Variants in MYO7A observed in about 807,000 individuals in gnomAD.
The protein encoded by MYO7A is unconventional myosin-VIIa.
In MYO7A, 210 loss-of-function variants were observed where a neutral mutation model predicts 263.8. That is an observed-to-expected ratio of 0.80 (90% CI 0.71 to 0.89). The LOEUF (loss-of-function observed/expected upper bound fraction) is 0.89. Among genes scored for constraint, MYO7A ranks in the 40% least tolerant of loss-of-function variants. The pLI, the probability that MYO7A is intolerant of heterozygous loss-of-function variation, is 0.00. For missense variants in MYO7A, 2,820 were observed against 2,968.3 expected (o/e 0.95, Z 1.16); for synonymous variants, 1,239 against 1,197.3 (o/e 1.03, Z -0.72).
intron 8 of MYO7A, among the ~76,000 whole-genome samples, chr11:77,157,657 C>CCTGGG (rs1456663169): frequency 6.6e-6 from 1 of 151,970 alleles, no homozygotes; most frequent in African/African-American, 2.4e-5. Flanking sequence ...TGTCTGGTTG[C>CCTGGG]CTGGGCTGGG....
intron 4 of MYO7A, 50 bp downstream of exon 4, chr11:77,148,000 C>CCGCCCACCT (rs1433053760): frequency 2.1e-6 from 3 of 1,450,970 alleles, no homozygotes; most frequent in African/African-American, 2.9e-5. Context: ...AGGCCCCGCC[C>CCGCCCACCT]CGCCCACCTC....
At chr11:77,151,568 C>A (rs1555057193) in intron 4 of MYO7A, among the ~76,000 whole-genome samples, 1 of 152,146 alleles carries the variant, frequency 6.6e-6, no homozygotes, top group African/African-American at 2.4e-5. Context: ...CTGGGGACCC[C>A]TAGGGACCAC....
In MYO7A at chr11:77,177,647, C is replaced by A. The variant is rs368265503; in HGVS notation, c.2282+4C>A. On this transcript the variant is annotated splice_donor_region_variant and intron_variant, in intron 19 of 48. Transcript: ENST00000409709. ...TCATCCGGGGATTCAAAGACAGGTG[C>A]GTGTTCCCACCAGCTCCTCCCCTCC... 8 of 1,603,376 alleles carry A rather than the reference C, an allele frequency of 5.0e-6. No individual in the cohort carries two copies. The highest frequency in any genetic ancestry group is 6.8e-6 in the Non-Finnish European group (8 of 1,175,036).
chr11:77,199,371 TAGAC>T (rs1179674617), intron 34 of MYO7A, among the ~76,000 whole-genome samples, 160 bp from the exon 35 acceptor site: 1 of 152,174 alleles, frequency 6.6e-6, no homozygotes, highest in Non-Finnish European at 1.5e-5. Context: ...GAGTAGGAAT[TAGAC>T]AGGCAAAGGA....
chr11:77,203,694 A>T (rs1957237075), intron 38 of MYO7A, among the ~76,000 whole-genome samples: 1 of 152,182 alleles, frequency 6.6e-6, no homozygotes, highest in South Asian at 2.1e-4. Flanking sequence ...GCCCCGAGGC[A>T]CACAGAGCAG....
intron 4 of MYO7A, 141 bp downstream of exon 4, chr11:77,148,091 C>T (rs1450430153): frequency 1.6e-5 from 12 of 771,736 alleles, no homozygotes; most frequent in Non-Finnish European, 2.3e-5. Flanking sequence ...TGCAGCTGGA[C>T]CCCGGGGCCC....
At chr11:77,141,979 G>C (rs1291251648) in intron 2 of MYO7A, among the ~76,000 whole-genome samples, 3 of 152,246 alleles carry the variant, frequency 2.0e-5, no homozygotes, top group African/African-American at 7.2e-5. Context: ...ATTAATCAGT[G>C]CTTTGCACTC....
intron 46 of MYO7A, chr11:77,212,380 T>C: frequency 2.8e-6 from 1 of 358,776 alleles, no homozygotes; most frequent in Non-Finnish European, 5.5e-6. Flanking sequence ...GGGAAGGAAA[T>C]CCAAGTAGTG....
chr11:77,211,916 C>T lies in MYO7A; in HGVS notation c.6333C>T (p.Gly2111=), dbSNP rs759118515. ...LKLIFKWPTF[G]SAFFEVKQTT... is the part of the protein sequence containing the mutation. ...TCATCTTCAAGTGGCCCACCTTTGGCTCAGCCTTCTTCGAGGTGAAGGTAC... is the reference window on the plus strand; with the variant it reads ...TCATCTTCAAGTGGCCCACCTTTGGTTCAGCCTTCTTCGAGGTGAAGGTAC... Residue 2111 remains glycine, a synonymous_variant, in exon 46 of 49, where the codon GGC becomes GGT. Coordinates refer to ENST00000409709, the MANE Select transcript of MYO7A (RefSeq NM_000260.4). 10 of 1,613,886 alleles carry T rather than the reference C, an allele frequency of 6.2e-6. No individual in the cohort carries two copies. The South Asian group carries it at 7.7e-5, about 12-fold the overall frequency.
At position 77,156,675 on chromosome 11, in the gene MYO7A, C is replaced by A. The variant is rs367687624; in HGVS notation, c.486C>A (p.Ala162=). The A allele has an allele frequency of 2.5e-6, 4 of 1,613,802 alleles. No individual in the cohort carries two copies. The highest frequency in any genetic ancestry group is 2.2e-5 in the East Asian group (1 of 44,876). ...QCCIISGESG[A]GKTESTKLIL... is the part of the protein sequence containing the mutation. ...CCCTCTGCAGTGGGGAATCTGGGGCCGGGAAGACGGAGAGCACAAAGCTGA... is the reference window on the plus strand; with the variant it reads ...CCCTCTGCAGTGGGGAATCTGGGGCAGGGAAGACGGAGAGCACAAAGCTGA... Residue 162 remains alanine, a synonymous_variant, in exon 6 of 49, where the codon GCC becomes GCA. Transcript: ENST00000409709.
chr11:77,194,661 C>A, intron 32 of MYO7A, 137 bp downstream of exon 32: 1 of 897,430 alleles, frequency 1.1e-6, no homozygotes, highest in Non-Finnish European at 1.6e-6. Context: ...CTTCATTGGA[C>A]ATCAGCTCAC....
At chr11:77,163,365 G>A (rs1181816329) in intron 14 of MYO7A, among the ~76,000 whole-genome samples, 4 of 151,986 alleles carry the variant, frequency 2.6e-5, no homozygotes, top group Non-Finnish European at 4.4e-5. Flanking sequence ...GCCATACATC[G>A]TTTAACGTCA....
At chr11:77,168,772 G>A (rs567969846) in intron 15 of MYO7A, among the ~76,000 whole-genome samples, 153 of 152,156 alleles carry the variant, frequency 1.0e-3, no homozygotes, top group Non-Finnish European at 1.9e-3. Context: ...GCACTCCAGC[G>A]TGGGTGACAG....
chr11:77,132,180 C>G (rs538289675), intron 2 of MYO7A, among the ~76,000 whole-genome samples: 1 of 152,116 alleles, frequency 6.6e-6, no homozygotes, highest in East Asian at 1.9e-4. Context: ...TCTGCTCAGG[C>G]TTCAGTGTAG....
intron 14 of MYO7A, among the ~76,000 whole-genome samples, chr11:77,163,251 G>T (rs1953188016): frequency 1.3e-5 from 2 of 152,098 alleles, no homozygotes; most frequent in Admixed American, 1.3e-4. Flanking sequence ...GCATGGGGCA[G>T]TAACTCCTTC....
At chr11:77,176,650 G>A (rs946435212) in intron 18 of MYO7A, among the ~76,000 whole-genome samples, 26 of 152,318 alleles carry the variant, frequency 1.7e-4, no homozygotes, top group African/African-American at 6.3e-4. Flanking sequence ...CTTCCGATAT[G>A]GCCTTGGTTT....
intron 11 of MYO7A, among the ~76,000 whole-genome samples, chr11:77,160,551 T>C (rs139673518): frequency 3.4e-4 from 52 of 152,312 alleles, no homozygotes; most frequent in African/African-American, 1.2e-3. Flanking sequence ...TTGGTCTCTT[T>C]GCAGAAGACA....
chr11:77,192,241 T>C lies in MYO7A; in HGVS notation c.4115T>C (p.Val1372Ala). The C allele has an allele frequency of 1.9e-6, 3 of 1,614,004 alleles. No individual in the cohort carries two copies. The highest frequency in any genetic ancestry group is 8.5e-7 in the Non-Finnish European group (1 of 1,179,904). Residue 1372 changes from valine (V) to alanine (A), a missense_variant, in exon 31 of 49, where the codon GTG (valine) becomes GCG (alanine). Val to Ala is a moderately conservative substitution (Grantham distance 64, BLOSUM62 0). Coordinates refer to ENST00000409709, the MANE Select transcript of MYO7A (RefSeq NM_000260.4). The part of the protein sequence containing the change: ...VATNLIYQQV[V>A]RGVKFGEYRC... ...ACCAACCTCATCTACCAGCAGGTGG[T>C]GCGAGGAGTCAAGTTTGGGGAGTAC...
At chr11:77,191,471 C>T (rs529468057) in intron 30 of MYO7A, among the ~76,000 whole-genome samples, 103 of 152,332 alleles carry the variant, frequency 6.8e-4, no homozygotes, top group Admixed American at 4.0e-3. Context: ...GGGAGGGCTG[C>T]GCAGCCCTTG....
Sources: gnomAD v4.1 joint callset for allele counts (sites outside exome capture counted in the v4.1 genomes callset) on GRCh38, gnomAD v4.1.1 for gene constraint, MANE v1.5 for transcripts, NCBI Gene and HGNC (gene_info 2026-07-23, HGNC 2026-07-21) for gene names.